The following WDR27 variants were observed in gnomAD, a reference collection of about 807,000 sequenced individuals.
The protein encoded by WDR27 is WD repeat domain 27.
A neutral mutation model predicts 114.4 loss-of-function variants in WDR27; 100 were observed. The ratio of observed to expected loss-of-function variants is 0.87; its 90% CI spans 0.74 to 1.03. The LOEUF (loss-of-function observed/expected upper bound fraction) is 1.03, where lower values mean the gene tolerates loss of function less well. Among genes scored for constraint, WDR27 ranks in the 50% least tolerant of loss-of-function variants. The pLI is 0.00. For synonymous variants in WDR27, 449 were observed against 423.1 expected, an observed-to-expected ratio of 1.06 and a Z score of -0.75; for missense variants, 1,129 against 1,092.9, an observed-to-expected ratio of 1.03 and a Z score of -0.47.
intron 16 of WDR27, among the ~76,000 whole-genome samples, chr6:169,645,756 G>A (rs921511024): frequency 5.6e-5 from 8 of 142,696 alleles, no homozygotes; most frequent in African/African-American, 2.0e-4. Context: ...AGTTCACAGG[G>A]TCACACTGTA....
chr6:169,548,090 G>C (rs1248149827), intron 25 of WDR27, among the ~76,000 whole-genome samples: 1 of 152,058 alleles, frequency 6.6e-6, no homozygotes, highest in Non-Finnish European at 1.5e-5. Flanking sequence ...ATTTACATTA[G>C]CAACCCAAAA....
At chr6:169,613,730 A>C in intron 21 of WDR27, 74 bp from the exon 22 acceptor site, 33 of 1,255,176 alleles carry the variant, frequency 2.6e-5, no homozygotes, top group Non-Finnish European at 3.5e-5. Context: ...ATGATATCTC[A>C]TAATAGCTGA....
chr6:169,631,098 C>A (rs1450651841), intron 21 of WDR27, among the ~76,000 whole-genome samples: 1 of 152,132 alleles, frequency 6.6e-6, no homozygotes, highest in Non-Finnish European at 1.5e-5. Flanking sequence ...CCAGAAAACA[C>A]AGAAACATGG....
chr6:169,550,003 A>G (rs1439279040), intron 25 of WDR27, among the ~76,000 whole-genome samples: 1 of 152,094 alleles, frequency 6.6e-6, no homozygotes, highest in Non-Finnish European at 1.5e-5. Flanking sequence ...CACCACCAAG[A>G]GTGAATGCTG....
At chr6:169,461,318 T>C (rs1351492791) in intron 25 of WDR27, among the ~76,000 whole-genome samples, 2 of 152,094 alleles carry the variant, frequency 1.3e-5, no homozygotes, top group Non-Finnish European at 2.9e-5. Flanking sequence ...TACATCTTCT[T>C]CTCAAGTGCA....
intron 25 of WDR27, among the ~76,000 whole-genome samples, chr6:169,470,729 T>C (rs192569636): frequency 6.6e-6 from 1 of 152,216 alleles, no homozygotes; most frequent in South Asian, 2.1e-4. Flanking sequence ...TGAACTCTTT[T>C]AACCTTAATC....
intron 19 of WDR27, among the ~76,000 whole-genome samples, 162 bp from the exon 20 acceptor site, chr6:169,634,687 T>G (rs2128219449): frequency 6.6e-6 from 1 of 152,312 alleles, no homozygotes; most frequent in East Asian, 1.9e-4. Flanking sequence ...ACCTTAATTT[T>G]TCTTTAGGAA....
Position 169,621,296 on chromosome 6 carries a change from G to T in WDR27, c.2224-7640C>A, listed in dbSNP as rs201518144. 2.9e-5 allele frequency among the ~76,000 whole-genome samples: 4 copies of T among 138,172 alleles called. No homozygotes were observed. The East Asian group carries it at 8.8e-4, about 30-fold the overall frequency. The allele number at this position is 138,172 out of a possible 152,430, so 90.6% of individuals were successfully genotyped here. The stretch of plus-strand genomic sequence containing the variant: ...CACACACACACACACATGCACGCAC[G>T]CATATACATACCCACACACGCATTC... On this transcript the variant is annotated intron_variant, in intron 21 of 25. Transcript: ENST00000448612.
At chr6:169,552,601 T>C (rs1798300879) in intron 25 of WDR27, among the ~76,000 whole-genome samples, 1 of 152,152 alleles carries the variant, frequency 6.6e-6, no homozygotes, top group Admixed American at 6.5e-5. Flanking sequence ...CAGAAAGAGG[T>C]AAAGGCAAGA....
chr6:169,556,725 A>C (rs980275574), intron 25 of WDR27, among the ~76,000 whole-genome samples: 1 of 152,250 alleles, frequency 6.6e-6, no homozygotes, highest in African/African-American at 2.4e-5. Flanking sequence ...TCTAGAGCTG[A>C]GAATACATTA....
intron 21 of WDR27, among the ~76,000 whole-genome samples, chr6:169,618,443 G>A (rs1383626039): frequency 1.3e-5 from 2 of 151,896 alleles, no homozygotes; most frequent in Non-Finnish European, 2.9e-5. Flanking sequence ...TTTTTTAAAT[G>A]AGCCATTTAA....
chr6:169,555,223 C>T (rs932583625), intron 25 of WDR27, among the ~76,000 whole-genome samples: 2 of 152,106 alleles, frequency 1.3e-5, no homozygotes, highest in African/African-American at 4.8e-5. Flanking sequence ...CAAGGTCTGA[C>T]GTTAACTTCA....
intron 25 of WDR27, among the ~76,000 whole-genome samples, chr6:169,517,037 A>C (rs1479008068): frequency 6.6e-6 from 1 of 152,118 alleles, no homozygotes; most frequent in African/African-American, 2.4e-5. Context: ...TCATGTTGAA[A>C]TGTAATCTCC....
intron 23 of WDR27, among the ~76,000 whole-genome samples, chr6:169,590,520 A>T (rs1387474168): frequency 6.6e-6 from 1 of 152,270 alleles, no homozygotes; most frequent in East Asian, 1.9e-4. Flanking sequence ...CCTTACAGCA[A>T]GAGGCAGAGG....
At chr6:169,609,921 A>G (rs1260044841) in intron 22 of WDR27, among the ~76,000 whole-genome samples, 1 of 152,210 alleles carries the variant, frequency 6.6e-6, no homozygotes, top group East Asian at 1.9e-4. Flanking sequence ...TTCTTCCACC[A>G]GATACCCTAA....
At chr6:169,651,889 G>A (rs747054098) in intron 14 of WDR27, 41 bp downstream of exon 14, 48 of 1,558,178 alleles carry the variant, frequency 3.1e-5, no homozygotes, top group South Asian at 9.1e-5. Flanking sequence ...CATCTGTGAC[G>A]CAGGTGCATT....
chr6:169,668,289 CG>C, intron 4 of WDR27, 104 bp from the exon 5 acceptor site: 1 of 1,149,018 alleles, frequency 8.7e-7, no homozygotes, highest in Non-Finnish European at 1.3e-6. Context: ...AAAGCTCAGG[CG>C]ACAGGCACAG....
At chr6:169,679,471 T>G (rs927723950) in intron 2 of WDR27, among the ~76,000 whole-genome samples, 61 of 152,230 alleles carry the variant, frequency 4.0e-4, no homozygotes, top group African/African-American at 1.4e-3. Flanking sequence ...CATGTGGAGA[T>G]GTAATCCCCA....
intron 10 of WDR27, 95 bp downstream of exon 10, chr6:169,660,568 C>G: frequency 9.9e-7 from 1 of 1,012,506 alleles, no homozygotes; most frequent in Non-Finnish European, 1.5e-6. Flanking sequence ...CTCAGATTCA[C>G]ACGGCAAGGC....
Sources: gnomAD v4.1 joint callset for allele counts (sites outside exome capture counted in the v4.1 genomes callset) on GRCh38, gnomAD v4.1.1 for gene constraint, MANE v1.5 for transcripts, NCBI Gene and HGNC (gene_info 2026-07-23, HGNC 2026-07-21) for gene names.